Variants in DLC1 observed in about 807,000 individuals in gnomAD.
The protein encoded by DLC1 is rho GTPase-activating protein 7.
A neutral mutation model predicts 140.3 loss-of-function variants in DLC1; 54 were observed. The ratio of observed to expected loss-of-function variants is 0.38; its 90% CI spans 0.31 to 0.48. DLC1 has a LOEUF of 0.48. DLC1 is among the 20% of genes least tolerant of loss of function. The pLI, the probability that DLC1 is intolerant of heterozygous loss-of-function variation, is 0.96. For synonymous variants in DLC1, 986 were observed against 728.1 expected (o/e 1.35, Z -5.70); for missense variants, 2,536 against 1,907.0 (o/e 1.33, Z -6.14).
intron 1 of DLC1, among the ~76,000 whole-genome samples, chr8:13,573,066 A>G (rs947810152): frequency 6.6e-6 from 1 of 152,150 alleles, no homozygotes; most frequent in Non-Finnish European, 1.5e-5. Context: ...TTTGGGTAAT[A>G]TTGTCATCAC....
chr8:13,189,990 A>G (rs540045425), intron 5 of DLC1, among the ~76,000 whole-genome samples: 3 of 152,332 alleles, frequency 2.0e-5, no homozygotes, highest in East Asian at 3.9e-4. Flanking sequence ...AGAAGGATCC[A>G]AAAGACATAT....
In DLC1 at chr8:13,110,755, CA is replaced by C; in HGVS notation, c.1488del (p.Ile496MetfsTer8). ...GTGTCCATTTACCTGCATAGAGCCT[CA>C]ATGGCATCTCTGTCCAAAAAATCAT... ...REHDFLDRDAIEALCRRLNTL... is the reference protein window; with the variant it reads ...REHDFLDRDAXEALCRRLNTL... On this transcript the variant is annotated frameshift_variant, in exon 7 of 18. Coordinates refer to ENST00000276297, the MANE Select transcript of DLC1 (RefSeq NM_182643.3). LOFTEE classifies it high-confidence loss of function. 1 of 1,613,936 alleles carries C rather than the reference CA, an allele frequency of 6.2e-7. No individual in the cohort carries two copies. The highest frequency in any genetic ancestry group is 8.5e-7 in the Non-Finnish European group (1 of 1,179,974).
chr8:13,179,513 G>C lies in DLC1; in HGVS notation c.1349-63856C>G, dbSNP rs141778552. On this transcript the variant is annotated intron_variant, in intron 5 of 17. Transcript: ENST00000276297. ...AGGCAGACAGATTGCTTGAGCTCAGGAGTTTGAGACCAGCCTGGGTAATGT... is the reference window on the plus strand; with the variant it reads ...AGGCAGACAGATTGCTTGAGCTCAGCAGTTTGAGACCAGCCTGGGTAATGT... Among the ~76,000 whole-genome samples the C allele has an allele frequency of 1.4e-4, 21 of 152,204 alleles. No homozygotes were observed. The East Asian group carries it at 4.1e-3, about 29-fold the overall frequency.
intron 5 of DLC1, among the ~76,000 whole-genome samples, chr8:13,271,348 AG>A (rs1830923806): frequency 6.6e-6 from 1 of 152,212 alleles, no homozygotes; most frequent in Admixed American, 6.5e-5. Flanking sequence ...AACAGTTCAC[AG>A]GAGTCAATGT....
chr8:13,202,431 T>C (rs1827438765), intron 5 of DLC1, among the ~76,000 whole-genome samples: 1 of 152,192 alleles, frequency 6.6e-6, no homozygotes, highest in Non-Finnish European at 1.5e-5. Flanking sequence ...GAGAATGTTA[T>C]ATCAAGTTTG....
intron 5 of DLC1, chr8:13,276,261 C>T: frequency 1.3e-6 from 2 of 1,535,510 alleles, no homozygotes; most frequent in African/African-American, 1.4e-5. Flanking sequence ...CTGCCTCTCA[C>T]CTGCCAGCCG....
At chr8:13,577,290 A>G (rs1397169528) in intron 1 of DLC1, among the ~76,000 whole-genome samples, 1 of 152,168 alleles carries the variant, frequency 6.6e-6, no homozygotes, top group Non-Finnish European at 1.5e-5. Flanking sequence ...GCTGCAACTT[A>G]CCAAGCCTAT....
At chr8:13,479,497 G>A (rs1800583798) in intron 2 of DLC1, among the ~76,000 whole-genome samples, 1 of 152,094 alleles carries the variant, frequency 6.6e-6, no homozygotes, top group Non-Finnish European at 1.5e-5. Context: ...AATATTGGAA[G>A]GAATATTTCT....
intron 2 of DLC1, among the ~76,000 whole-genome samples, chr8:13,463,001 A>T (rs892260649): frequency 6.6e-6 from 1 of 152,212 alleles, no homozygotes; most frequent in Non-Finnish European, 1.5e-5. Flanking sequence ...CTTTGGAATC[A>T]CAGGCAACAT....
chr8:13,153,676 C>T (rs544556674), intron 5 of DLC1, among the ~76,000 whole-genome samples: 25 of 149,446 alleles, frequency 1.7e-4, no homozygotes, highest in African/African-American at 6.2e-4. Context: ...GTGCATTTAC[C>T]ATCCTTTAGC....
intron 5 of DLC1, among the ~76,000 whole-genome samples, chr8:13,292,600 G>T (rs1465967822): frequency 1.3e-5 from 2 of 151,964 alleles, no homozygotes; most frequent in Non-Finnish European, 2.9e-5. Context: ...TGCAGTTGGG[G>T]TGCAGCCATC....
chr8:13,468,822 T>C (rs1485284049), intron 2 of DLC1, among the ~76,000 whole-genome samples: 1 of 53,252 alleles, frequency 1.9e-5, no homozygotes, highest in East Asian at 3.8e-4. Context: ...TTTTTTTTTT[T>C]TTTTTTTTTT....
intron 4 of DLC1, among the ~76,000 whole-genome samples, chr8:13,393,171 TGTC>T (rs1451169736): frequency 6.6e-6 from 1 of 152,158 alleles, no homozygotes; most frequent in Non-Finnish European, 1.5e-5. Flanking sequence ...CATCATCATC[TGTC>T]GTCTATCATT....
chr8:13,371,984 G>C (rs1249699757), intron 4 of DLC1, among the ~76,000 whole-genome samples: 1 of 152,072 alleles, frequency 6.6e-6, no homozygotes, highest in South Asian at 2.1e-4. Context: ...CTCTATAATG[G>C]TACCTTCTCA....
At chr8:13,219,812 T>C (rs918644837) in intron 5 of DLC1, among the ~76,000 whole-genome samples, 2 of 152,184 alleles carry the variant, frequency 1.3e-5, no homozygotes, top group African/African-American at 2.4e-5. Context: ...AAATGAGGTA[T>C]GTCCATCCAA....
In DLC1 at chr8:13,505,192, A is replaced by G. The variant is rs116943034; in HGVS notation, c.-125-4996T>C. Among the ~76,000 whole-genome samples the G allele has an allele frequency of 5.9e-3, 897 of 152,292 alleles. 32 individuals carry two copies. In the East Asian group the frequency reaches 0.097, roughly 16 times the overall value. ...TAATTTTTTTCATGTAGTCAAAATA[A>G]TGCAAATAGTAAACATTAAATTAAC... On this transcript the variant is annotated intron_variant, in intron 1 of 17. Coordinates refer to ENST00000276297, the MANE Select transcript of DLC1 (RefSeq NM_182643.3).
intron 1 of DLC1, among the ~76,000 whole-genome samples, chr8:13,599,586 A>G (rs1331684595): frequency 6.6e-6 from 1 of 152,010 alleles, no homozygotes; most frequent in Non-Finnish European, 1.5e-5. Flanking sequence ...ATATCTAGAA[A>G]TAAACTACGG....
chr8:13,389,464 A>T (rs1261185702), intron 4 of DLC1, among the ~76,000 whole-genome samples: 4 of 152,132 alleles, frequency 2.6e-5, no homozygotes, highest in Non-Finnish European at 4.4e-5. Flanking sequence ...AAAGAACAAA[A>T]CAATTTAGGA....
intron 4 of DLC1, among the ~76,000 whole-genome samples, chr8:13,379,155 C>G (rs907054556): frequency 2.6e-5 from 4 of 152,072 alleles, no homozygotes; most frequent in African/African-American, 9.7e-5. Context: ...TAGTCTAAGT[C>G]TGAATAAAAA....
Sources: allele counts gnomAD v4.1 joint callset (sites outside exome capture counted in the v4.1 genomes callset), GRCh38; gene constraint gnomAD v4.1.1; transcripts MANE v1.5; gene names NCBI Gene and HGNC (gene_info 2026-07-23, HGNC 2026-07-21).